The following ESRRG variants were observed in gnomAD, a reference collection of about 807,000 sequenced individuals.
ESRRG encodes estrogen related receptor gamma.
ESRRG carries 13 observed loss-of-function variants against 44.0 expected under a neutral mutation model. The observed-to-expected ratio is 0.30, with a 90% CI of 0.19 to 0.47. The LOEUF is 0.47. Among genes scored for constraint, ESRRG ranks in the 20% least tolerant of loss-of-function variants. ESRRG has a pLI of 1.00. For missense variants in ESRRG, 395 were observed against 580.6 expected (o/e 0.68, Z 3.29); for synonymous variants, 215 against 214.6 (o/e 1.00, Z -0.02).
intron 1 of ESRRG, among the ~76,000 whole-genome samples, chr1:217,050,448 G>C (rs2151226659): frequency 6.6e-6 from 1 of 152,320 alleles, no homozygotes. Context: ...GTTTGAACAA[G>C]AGGAGCCAGG....
At chr1:216,936,570 T>G (rs17044374) in intron 2 of ESRRG, 1 of 152,004 alleles carries the variant, frequency 6.6e-6, no homozygotes, top group Non-Finnish European at 1.5e-5. Flanking sequence ...ACTTACTTTA[T>G]GTAAAACAAT....
chr1:216,547,669 A>G (rs1369330576), intron 5 of ESRRG, among the ~76,000 whole-genome samples: 2 of 152,086 alleles, frequency 1.3e-5, no homozygotes, highest in Non-Finnish European at 2.9e-5. Flanking sequence ...ATAGTGATCA[A>G]TTGGTGCAGA....
intron 2 of ESRRG, among the ~76,000 whole-genome samples, chr1:216,886,330 T>C (rs555858416): frequency 6.6e-6 from 1 of 152,308 alleles, no homozygotes; most frequent in South Asian, 2.1e-4. Context: ...GATCTCCTGA[T>C]CTATTTGGCT....
chr1:216,699,157 A>T (rs964097007), intron 1 of ESRRG, among the ~76,000 whole-genome samples: 1 of 152,196 alleles, frequency 6.6e-6, no homozygotes, highest in Non-Finnish European at 1.5e-5. Context: ...AAGAAAACAA[A>T]TAATGATAGC....
intron 2 of ESRRG, among the ~76,000 whole-genome samples, chr1:216,886,025 T>A (rs1370149): frequency 0.23 from 34,405 of 151,912 alleles, 5,458 homozygotes; most frequent in African/African-American, 0.45. Context: ...TTCCAATTGA[T>A]GTCATGGGTT....
At chr1:216,937,101 G>C (rs2064269628) in intron 2 of ESRRG, among the ~76,000 whole-genome samples, 1 of 150,882 alleles carries the variant, frequency 6.6e-6, no homozygotes, top group African/African-American at 2.4e-5. Flanking sequence ...CAAGTACTCT[G>C]TATAGTAACA....
intron 1 of ESRRG, among the ~76,000 whole-genome samples, chr1:217,030,781 A>T (rs1322525217): frequency 6.6e-6 from 1 of 152,254 alleles, no homozygotes. Flanking sequence ...AAATGTGGCC[A>T]GTCTGGATTT....
intron 5 of ESRRG, among the ~76,000 whole-genome samples, chr1:216,524,372 A>C (rs1256913891): frequency 6.6e-6 from 1 of 151,066 alleles, no homozygotes; most frequent in Non-Finnish European, 1.5e-5. Context: ...TAACTGCAGA[A>C]GTGAAAGCTG....
chr1:216,558,195 A>T (rs1280963249), intron 5 of ESRRG, among the ~76,000 whole-genome samples: 1 of 152,186 alleles, frequency 6.6e-6, no homozygotes, highest in Non-Finnish European at 1.5e-5. Flanking sequence ...CAGCAAGGGT[A>T]GCTGCAGAAA....
intron 2 of ESRRG, among the ~76,000 whole-genome samples, chr1:216,771,475 C>G (rs1225337081): frequency 1.3e-5 from 2 of 152,094 alleles, no homozygotes; most frequent in Admixed American, 6.6e-5. Flanking sequence ...ATAATATATT[C>G]TAGTGTATTC....
In ESRRG at chr1:216,947,671, G is replaced by A. The variant is rs184623608; in HGVS notation, c.-105-7998C>T. Among the ~76,000 whole-genome samples, 45 of 152,214 alleles carry A rather than the reference G, an allele frequency of 3.0e-4. No homozygotes were observed. In the East Asian group the frequency reaches 6.4e-3, roughly 22 times the overall value. On this transcript the variant is annotated intron_variant, in intron 1 of 7. Coordinates refer to the ESRRG transcript ENST00000359162. ...GTTTACCAGCACATCACTGAAAAGCGTTTTTCTTTCATTGTTTCCTTCTTA... is the reference window on the plus strand; with the variant it reads ...GTTTACCAGCACATCACTGAAAAGCATTTTTCTTTCATTGTTTCCTTCTTA...
chr1:216,933,475 A>C (rs2063663955), intron 2 of ESRRG, among the ~76,000 whole-genome samples: 1 of 152,034 alleles, frequency 6.6e-6, no homozygotes, highest in South Asian at 2.1e-4. Context: ...GGGCACTGTC[A>C]ATTTCTGTGG....
At chr1:216,692,829 C>T (rs1035204128) in intron 1 of ESRRG, among the ~76,000 whole-genome samples, 1 of 152,296 alleles carries the variant, frequency 6.6e-6, no homozygotes, top group South Asian at 2.1e-4. Context: ...CTACATTATT[C>T]AGCACAGAAA....
chr1:216,837,571 CAG>C (rs1289522340), intron 2 of ESRRG, among the ~76,000 whole-genome samples: 1 of 152,016 alleles, frequency 6.6e-6, no homozygotes, highest in Non-Finnish European at 1.5e-5. Flanking sequence ...AAAGATAGCC[CAG>C]TGGGTTGGTG....
chr1:216,507,511 A>G (rs2041499673), intron 6 of ESRRG, among the ~76,000 whole-genome samples: 1 of 152,206 alleles, frequency 6.6e-6, no homozygotes, highest in Non-Finnish European at 1.5e-5. Context: ...ATCCAGGTAT[A>G]TATTCATTCA....
rs147448581 is a variant in ESRRG at position 216,760,195 on chromosome 1, G to A, written c.-13-82704C>T. ...AGGTGGTGCCCAATAAATACTGCCTGCATGGATAGATGCATAGAAAAAAAG... is the reference window on the plus strand; with the variant it reads ...AGGTGGTGCCCAATAAATACTGCCTACATGGATAGATGCATAGAAAAAAAG... On this transcript the variant is annotated intron_variant, in intron 2 of 7. Transcript: ENST00000359162. 5.0e-3 allele frequency among the ~76,000 whole-genome samples: 760 copies of A among 151,906 alleles called. 5 individuals carry two copies. The highest frequency in any genetic ancestry group is 0.017 in the African/African-American group (703 of 41,430).
chr1:217,079,498 A>C (rs2091575580), intron 1 of ESRRG, among the ~76,000 whole-genome samples: 1 of 152,204 alleles, frequency 6.6e-6, no homozygotes, highest in African/African-American at 2.4e-5. Flanking sequence ...TTGTTTAGGA[A>C]TAATGATAAT....
chr1:216,557,444 C>CA (rs1344492175), intron 5 of ESRRG, among the ~76,000 whole-genome samples: 3 of 151,716 alleles, frequency 2.0e-5, no homozygotes, highest in Non-Finnish European at 2.9e-5. Flanking sequence ...CAAACCAAAA[C>CA]AAAAAAACAC....
chr1:216,678,008 C>T (rs1304618975), intron 1 of ESRRG, among the ~76,000 whole-genome samples: 1 of 152,168 alleles, frequency 6.6e-6, no homozygotes, highest in African/African-American at 2.4e-5. Flanking sequence ...ATTTTCAAGA[C>T]TGAACAGATG....
Sources: allele counts gnomAD v4.1 joint callset (sites outside exome capture counted in the v4.1 genomes callset), GRCh38; gene constraint gnomAD v4.1.1; transcripts MANE v1.5; gene names NCBI Gene and HGNC (gene_info 2026-07-23, HGNC 2026-07-21).